Variants in SCN3A observed in about 807,000 individuals in gnomAD.
SCN3A encodes sodium voltage-gated channel alpha subunit 3.
Under a neutral mutation model 187.6 loss-of-function variants are expected in SCN3A, and 60 were observed. That is an observed-to-expected ratio of 0.32 (90% confidence interval 0.26 to 0.40). The LOEUF (loss-of-function observed/expected upper bound fraction) is 0.40, where lower values mean the gene tolerates loss of function less well. Ranked by LOEUF, SCN3A falls within the 10% of genes least tolerant of loss-of-function variation. The probability of loss-of-function intolerance (pLI) is 1.00; values close to 1 mark genes in which losing one functional copy is unlikely to be tolerated. For synonymous variants in SCN3A, 788 were observed against 829.2 expected (o/e 0.95, Z 0.85); for missense variants, 1,601 against 2,428.2 (o/e 0.66, Z 7.16).
At chr2:165,167,416 G>A (rs1330492286) in intron 5 of SCN3A, among the ~76,000 whole-genome samples, 1 of 151,966 alleles carries the variant, frequency 6.6e-6, no homozygotes, top group Non-Finnish European at 1.5e-5. Context: ...TAATGGCTTA[G>A]AGTGGTACAG....
chr2:165,091,685 T>C, intron 27 of SCN3A: 1 of 316,100 alleles, frequency 3.2e-6, no homozygotes, highest in Non-Finnish European at 5.9e-6. Flanking sequence ...CTGAATATAT[T>C]GTTTTCTATT....
At chr2:165,137,188 G>T (rs1475395437) in intron 15 of SCN3A, among the ~76,000 whole-genome samples, 2 of 152,046 alleles carry the variant, frequency 1.3e-5, no homozygotes, top group African/African-American at 2.4e-5. Context: ...CTGCAATACT[G>T]CCCTTTACTT....
At chr2:165,178,143 T>A (rs1469500993) in intron 2 of SCN3A, among the ~76,000 whole-genome samples, 2 of 151,940 alleles carry the variant, frequency 1.3e-5, no homozygotes, top group Non-Finnish European at 2.9e-5. Flanking sequence ...TGTGTGGGGG[T>A]TTTTTTGCTT....
chr2:165,156,023 A>C, intron 9 of SCN3A, 120 bp from the exon 10 acceptor site: 1 of 1,237,092 alleles, frequency 8.1e-7, no homozygotes, highest in Non-Finnish European at 1.2e-6. Flanking sequence ...TCTTGCTTTA[A>C]TTTCCAGAAC....
Position 165,131,395 on chromosome 2 carries a change from G to T in SCN3A, c.2414C>A (p.Ala805Glu), listed in dbSNP as rs892841048. 6.2e-7 allele frequency: 1 copy of T among 1,604,810 alleles called. No individual in the cohort carries two copies. The highest frequency in any genetic ancestry group is 8.5e-7 in the Non-Finnish European group (1 of 1,174,460). ...GGCAATGATCTTGAGAACCATTTCT[G>T]CTGTGAAAATCCCAGTAAAGACCTA... ...GNLVFTGIFT[A>E]EMVLKIIAMD... is the part of the protein sequence containing the mutation. Residue 805 changes from alanine to glutamate, a missense_variant, in exon 16 of 28, where the codon GCA becomes GAA. Physicochemically the swap from Ala to Glu is moderately radical, Grantham distance 107. This residue lies in a region of SCN3A where 376 missense variants were observed against 476.0 expected (regional missense o/e 0.79). Transcript: ENST00000283254.
At chr2:165,174,710 TG>T (rs971817540) in intron 3 of SCN3A, among the ~76,000 whole-genome samples, 1 of 152,192 alleles carries the variant, frequency 6.6e-6, no homozygotes, top group Non-Finnish European at 1.5e-5. Context: ...TCCAATTTCT[TG>T]GGGGGTGACT....
rs148657959 is a variant in SCN3A at position 165,173,237 on chromosome 2, T to C, written c.265-2689A>G. ...CTCAAAAAATGATGCAGCCAATTTT[T>C]TAACTTTCCCTTTTATTTTATTATG... On this transcript the variant is annotated intron_variant, in intron 3 of 27. Transcript: ENST00000283254. 9.5e-3 allele frequency among the ~76,000 whole-genome samples: 1,447 copies of C among 152,344 alleles called. 7 individuals are homozygous for C. Among genetic ancestry groups the C allele is most frequent in the Non-Finnish European group, 0.015 (1,010 of 68,032 alleles).
At chr2:165,189,876 TTATACTGATGACATGA>T (rs539861495) in intron 1 of SCN3A, among the ~76,000 whole-genome samples, 143 of 152,338 alleles carry the variant, frequency 9.4e-4, no homozygotes, top group Non-Finnish European at 1.8e-3. Flanking sequence ...TTATCTTCCT[TTATACTGATGACATGA>T]TATACCTGCT....
At chr2:165,194,562 AAT>A (rs1215787122) in intron 1 of SCN3A, among the ~76,000 whole-genome samples, 1 of 151,944 alleles carries the variant, frequency 6.6e-6, no homozygotes, top group Non-Finnish European at 1.5e-5. Flanking sequence ...TTTCTTGATA[AAT>A]AATATAAATG....
chr2:165,149,218 C>G (rs1026256497), intron 11 of SCN3A, among the ~76,000 whole-genome samples: 1 of 151,264 alleles, frequency 6.6e-6, no homozygotes, highest in African/African-American at 2.4e-5. Flanking sequence ...CTCTGTCGCC[C>G]AGGCTGGAGT....
chr2:165,158,468 GT>G (rs1480715216), intron 9 of SCN3A, among the ~76,000 whole-genome samples: 1 of 135,662 alleles, frequency 7.4e-6, no homozygotes, highest in Non-Finnish European at 1.5e-5. Context: ...AGGTCTATGA[GT>G]TTTAACAAAT....
At chr2:165,157,840 G>C (rs997966198) in intron 9 of SCN3A, among the ~76,000 whole-genome samples, 5 of 151,952 alleles carry the variant, frequency 3.3e-5, no homozygotes, top group African/African-American at 9.7e-5. Context: ...TGTTCAAATG[G>C]CTTCATCTTT....
At chr2:165,182,270 A>G (rs1252165021) in intron 2 of SCN3A, among the ~76,000 whole-genome samples, 2 of 152,232 alleles carry the variant, frequency 1.3e-5, no homozygotes, top group East Asian at 3.8e-4. Context: ...GAGAAGTAAA[A>G]GATCTGACTA....
chr2:165,136,135 G>C (rs895418999), intron 15 of SCN3A, among the ~76,000 whole-genome samples: 6 of 152,074 alleles, frequency 3.9e-5, no homozygotes, highest in Admixed American at 3.9e-4. Context: ...TGAACACTTT[G>C]ACTAGGACCT....
intron 1 of SCN3A, among the ~76,000 whole-genome samples, chr2:165,188,856 C>A (rs1691414686): frequency 6.7e-6 from 1 of 148,416 alleles, no homozygotes; most frequent in South Asian, 2.2e-4. Flanking sequence ...GTAAAAGATG[C>A]AGATTTCTGG....
chr2:165,198,732 C>T (rs1386456064), intron 1 of SCN3A, among the ~76,000 whole-genome samples: 2 of 151,912 alleles, frequency 1.3e-5, no homozygotes, highest in Non-Finnish European at 2.9e-5. Flanking sequence ...AATTTATGTT[C>T]GTTTCTTCTA....
chr2:165,108,692 T>C (rs1685973546), intron 21 of SCN3A, among the ~76,000 whole-genome samples: 1 of 152,204 alleles, frequency 6.6e-6, no homozygotes, highest in Non-Finnish European at 1.5e-5. Context: ...TAAATATTAA[T>C]TAAATTATGT....
chr2:165,188,109 A>T (rs1455641814), intron 1 of SCN3A, among the ~76,000 whole-genome samples: 2 of 152,140 alleles, frequency 1.3e-5, no homozygotes, highest in South Asian at 2.1e-4. Flanking sequence ...TGAGGTAGGG[A>T]GGGCTGGATA....
intron 18 of SCN3A, among the ~76,000 whole-genome samples, chr2:165,125,582 G>T (rs1323970901): frequency 6.6e-6 from 1 of 152,170 alleles, no homozygotes; most frequent in Non-Finnish European, 1.5e-5. Context: ...CTCCCAAAGT[G>T]CTGGGATTAC....
Sources: gnomAD v4.1 joint callset for allele counts (sites outside exome capture counted in the v4.1 genomes callset) on GRCh38, gnomAD v4.1.1 for gene constraint, gnomAD v4.1.1 regional missense constraint, MANE v1.5 for transcripts, NCBI Gene and HGNC (gene_info 2026-07-23, HGNC 2026-07-21) for gene names.